Variants in CREM observed in about 807,000 individuals in gnomAD.
CREM encodes the protein cAMP responsive element modulator.
A neutral mutation model predicts 37.3 loss-of-function variants in CREM; 13 were observed. The ratio of observed to expected loss-of-function variants is 0.35; its 90% CI spans 0.23 to 0.55. CREM has a LOEUF of 0.55. Ranked by LOEUF, CREM falls within the 20% of genes least tolerant of loss-of-function variation. The pLI is 0.88. For synonymous variants in CREM, 124 were observed against 120.2 expected, an observed-to-expected ratio of 1.03 and a Z score of -0.21; for missense variants, 296 against 362.3, an observed-to-expected ratio of 0.82 and a Z score of 1.49.
chr10:35,175,243 C>T (rs369603974), intron 3 of CREM, among the ~76,000 whole-genome samples: 2 of 150,510 alleles, frequency 1.3e-5, no homozygotes, highest in East Asian at 1.9e-4. Flanking sequence ...GTCAGGAGAT[C>T]GAGACCATCC....
At position 35,191,076 on chromosome 10, in the gene CREM, A is replaced by T. The variant is rs371174988; in HGVS notation, c.598+2688A>T. ...TCATTTTACTTCTTTTAACAGTTGA[A>T]CATTTTTCTTTTTATTTATTTATTT... On this transcript the variant is annotated intron_variant, in intron 6 of 7. Transcript: ENST00000685392. 1.1e-4 allele frequency among the ~76,000 whole-genome samples: 6 copies of T among 56,540 alleles called. No homozygotes were observed. The East Asian group carries it at 2.2e-3, about 21-fold the overall frequency. 37.1% of individuals were successfully genotyped at this position (56,540 alleles called of 152,430 possible). A position where few individuals can be genotyped will look rare whatever the true frequency, so the allele number is the denominator to read the frequency against.
In CREM at chr10:35,183,504, T is replaced by C. The variant is rs144809466; in HGVS notation, c.409+4228T>C. Among the ~76,000 whole-genome samples, 422 of 152,336 alleles carry C rather than the reference T, an allele frequency of 2.8e-3. 1 individual carries two copies. Among genetic ancestry groups the C allele is most frequent in the African/African-American group, 9.7e-3 (403 of 41,580 alleles). ...TGGCTTTTAAACTTTGATGTTGCTA[T>C]TGTTGTTATAGCATGATTTAGTCTT... On this transcript the variant is annotated intron_variant, in intron 5 of 7. Coordinates refer to ENST00000685392, the MANE Select transcript of CREM (RefSeq NM_183011.2).
intron 6 of CREM, chr10:35,196,103 A>G (rs777681463): frequency 1.9e-5 from 31 of 1,614,034 alleles, no homozygotes; most frequent in Admixed American, 1.7e-4. Context: ...CTTAGTGGTA[A>G]GATCGAGCCT....
intron 2 of CREM, among the ~76,000 whole-genome samples, chr10:35,138,082 T>C (rs1049614229): frequency 6.6e-6 from 1 of 152,246 alleles, no homozygotes; most frequent in Non-Finnish European, 1.5e-5. Flanking sequence ...TGTGTCGGTA[T>C]GTCAGTTGAC....
At chr10:35,147,229 A>G (rs1316803715) in intron 2 of CREM, among the ~76,000 whole-genome samples, 2 of 151,028 alleles carry the variant, frequency 1.3e-5, no homozygotes, top group African/African-American at 4.9e-5. Context: ...AATTTTTCGT[A>G]TTTTTAGTAG....
intron 7 of CREM, among the ~76,000 whole-genome samples, chr10:35,208,654 G>A (rs575389809): frequency 4.6e-5 from 7 of 152,110 alleles, no homozygotes; most frequent in Non-Finnish European, 7.4e-5. Flanking sequence ...ATCACAGCGC[G>A]GCTACTGAAC....
At chr10:35,192,328 A>C (rs1024307565) in intron 6 of CREM, among the ~76,000 whole-genome samples, 1 of 152,040 alleles carries the variant, frequency 6.6e-6, no homozygotes, top group South Asian at 2.1e-4. Flanking sequence ...CCATTACTGC[A>C]TTGCACTTGT....
rs184665473 is a variant in CREM at position 35,138,733 on chromosome 10, T to A, written c.44+854T>A. Among the ~76,000 whole-genome samples the A allele has an allele frequency of 1.9e-3, 288 of 151,324 alleles. 1 individual carries two copies. The highest frequency in any genetic ancestry group is 6.6e-3 in the African/African-American group (273 of 41,314). On this transcript the variant is annotated intron_variant, in intron 2 of 7. Transcript: ENST00000685392. ...TAAAACAATTTATTACTAAAAAAAA[T>A]TTTTTTTAGGCCGGGTGCAGTGGCT...
intron 3 of CREM, among the ~76,000 whole-genome samples, chr10:35,170,948 C>T (rs1161021280): frequency 6.6e-6 from 1 of 151,984 alleles, no homozygotes; most frequent in African/African-American, 2.4e-5. Context: ...TGAATTCTAC[C>T]TCCAGATGCG....
intron 2 of CREM, among the ~76,000 whole-genome samples, chr10:35,148,060 CAT>C (rs2135967181): frequency 6.6e-6 from 1 of 152,272 alleles, no homozygotes; most frequent in South Asian, 2.1e-4. Flanking sequence ...TTCGCATATA[CAT>C]ATGAGTTACC....
chr10:35,165,074 A>AAAAAAAAG (rs1554902040), intron 3 of CREM, among the ~76,000 whole-genome samples: 11 of 142,010 alleles, frequency 7.7e-5, no homozygotes, highest in African/African-American at 2.6e-4. Context: ...AAAAAAAAAA[A>AAAAAAAAG]AAAAGAAAAG....
chr10:35,167,742 A>AT, intron 3 of CREM: 3 of 1,614,166 alleles, frequency 1.9e-6, no homozygotes, highest in Non-Finnish European at 2.5e-6. Context: ...TGGCATCAGC[A>AT]TAATCTATGT....
intron 5 of CREM, among the ~76,000 whole-genome samples, chr10:35,186,539 A>G (rs1590138311): frequency 6.6e-6 from 1 of 150,478 alleles, no homozygotes; most frequent in Non-Finnish European, 1.5e-5. Context: ...TTCTCCTGAC[A>G]TAGACAAAAT....
intron 6 of CREM, among the ~76,000 whole-genome samples, chr10:35,206,120 C>T (rs1191436453): frequency 6.6e-6 from 1 of 151,672 alleles, no homozygotes; most frequent in South Asian, 2.1e-4. Context: ...TGGTGGCAGG[C>T]GCCTGTAGTC....
At chr10:35,208,538 A>T (rs1156366552) in intron 7 of CREM, among the ~76,000 whole-genome samples, 3 of 152,190 alleles carry the variant, frequency 2.0e-5, no homozygotes, top group Non-Finnish European at 2.9e-5. Flanking sequence ...ATGTCAAATA[A>T]TGTCCTCATT....
Position 35,162,024 on chromosome 10 carries a change from C to T in CREM, c.168+13533C>T, listed in dbSNP as rs190519539. ...AATGGCCAAGATACGGAATCAGCCT[C>T]GGTGTTCATCAGTGGATGAATGGAT... On this transcript the variant is annotated intron_variant, in intron 3 of 7. Transcript: ENST00000685392. Among the ~76,000 whole-genome samples, 15 of 152,210 alleles carry T rather than the reference C, an allele frequency of 9.9e-5. No homozygotes were observed. The East Asian group carries it at 1.2e-3, about 12-fold the overall frequency.
At chr10:35,151,264 T>C (rs2092581400) in intron 3 of CREM, among the ~76,000 whole-genome samples, 2 of 152,262 alleles carry the variant, frequency 1.3e-5, no homozygotes, top group African/African-American at 4.8e-5. Context: ...CTAATAAATA[T>C]TGATAGTTAT....
intron 6 of CREM, chr10:35,196,075 C>T (rs2095148121): frequency 1.2e-6 from 2 of 1,614,184 alleles, no homozygotes; most frequent in Non-Finnish European, 1.7e-6. Flanking sequence ...GAACAGAACT[C>T]AGGAGTTGTC....
In CREM at chr10:35,145,275, TTCC is replaced by T. The variant is rs1443703212; in HGVS notation, c.45-3092_45-3090del. ...CCCCACTAAATCTAATTATCCCCCT[TTCC>T]CTCACCCAGATTTTCTACTCCAATC... On this transcript the variant is annotated intron_variant, in intron 2 of 7. Coordinates refer to ENST00000685392, the MANE Select transcript of CREM (RefSeq NM_183011.2). Among the ~76,000 whole-genome samples, 5 of 152,136 alleles carry T rather than the reference TTCC, an allele frequency of 3.3e-5. No homozygotes were observed. The East Asian group carries it at 9.7e-4, about 29-fold the overall frequency.
Sources: allele counts gnomAD v4.1 joint callset (sites outside exome capture counted in the v4.1 genomes callset), GRCh38; gene constraint gnomAD v4.1.1; transcripts MANE v1.5; gene names NCBI Gene and HGNC (gene_info 2026-07-23, HGNC 2026-07-21).